NAA11: variants seen among roughly 807,000 people sequenced by gnomAD.
The protein encoded by NAA11 is N-alpha-acetyltransferase 11, NatA catalytic subunit.
A neutral mutation model predicts 16.1 loss-of-function variants in NAA11; 15 were observed. The observed-to-expected ratio is 0.93, with a 90% CI of 0.62 to 1.44. The LOEUF (loss-of-function observed/expected upper bound fraction) is 1.44, where lower values mean the gene tolerates loss of function less well. Among genes scored for constraint, NAA11 ranks in the 40% most tolerant of loss-of-function variants. NAA11 has a pLI of 0.00. For missense variants in NAA11, 298 were observed against 291.3 expected (o/e 1.02, Z -0.17); for synonymous variants, 122 against 112.4 (o/e 1.09, Z -0.54).
At chr4:79,239,324 C>T (rs536970259) in intron 2 of NAA11, among the ~76,000 whole-genome samples, 17 of 152,234 alleles carry the variant, frequency 1.1e-4, no homozygotes, top group South Asian at 4.2e-4. Context: ...AATTTATGTG[C>T]AGTTGTTAAT....
intron 2 of NAA11, among the ~76,000 whole-genome samples, chr4:79,262,144 T>C (rs1659989361): frequency 6.6e-6 from 1 of 152,210 alleles, no homozygotes; most frequent in Admixed American, 6.5e-5. Context: ...GTGCCTAAAA[T>C]TGTATAATCA....
chr4:79,240,811 T>C (rs1366368874), intron 2 of NAA11, among the ~76,000 whole-genome samples: 2 of 152,192 alleles, frequency 1.3e-5, no homozygotes, highest in African/African-American at 4.8e-5. Flanking sequence ...TGAAATATGG[T>C]AGATTCTCTG....
At position 79,325,178 on chromosome 4, in the gene NAA11, T is replaced by TA. The variant is rs750772315; in HGVS notation, c.*9dup. Reference sequence around the variant, plus strand: ...CTGGGTCAGGGAAGACAGAATACCTTAAGCATGCTCTAGGAGGTGGAATCC... The same window carrying TA: ...CTGGGTCAGGGAAGACAGAATACCTTAAAGCATGCTCTAGGAGGTGGAATCC... On this transcript the variant is annotated 3_prime_UTR_variant, in exon 1 of 2. Coordinates refer to ENST00000286794, the MANE Select transcript of NAA11 (RefSeq NM_032693.3). 1 of 1,594,486 alleles carries TA rather than the reference T, an allele frequency of 6.3e-7. No homozygotes were observed. Among genetic ancestry groups the TA allele is most frequent in the Non-Finnish European group, 8.6e-7 (1 of 1,169,528 alleles).
chr4:79,242,068 G>T (rs1368637398), intron 2 of NAA11, among the ~76,000 whole-genome samples: 1 of 152,174 alleles, frequency 6.6e-6, no homozygotes, highest in Non-Finnish European at 1.5e-5. Context: ...CCTCATGCTT[G>T]TTTGCCAGTG....
At chr4:79,302,489 T>C (rs1578187620) in intron 1 of NAA11, among the ~76,000 whole-genome samples, 1 of 152,324 alleles carries the variant, frequency 6.6e-6, no homozygotes, top group South Asian at 2.1e-4. Context: ...TTTTAAATAG[T>C]TTTCTACAAA....
At chr4:79,256,314 A>G (rs1391921278) in intron 2 of NAA11, among the ~76,000 whole-genome samples, 3 of 152,050 alleles carry the variant, frequency 2.0e-5, no homozygotes, top group Non-Finnish European at 2.9e-5. Context: ...CTGTATGAAA[A>G]AAGTGAATTG....
chr4:79,237,007 TA>T (rs964079208), intron 2 of NAA11, among the ~76,000 whole-genome samples: 4 of 152,312 alleles, frequency 2.6e-5, no homozygotes, highest in Admixed American at 2.6e-4. Context: ...TTCTTCAGTG[TA>T]AAATACCATC....
the NAA11 span, among the ~76,000 whole-genome samples, chr4:79,160,490 G>A: frequency 6.6e-6 from 1 of 152,272 alleles, no homozygotes; most frequent in Non-Finnish European, 1.5e-5. Flanking sequence ...AGTGCATGGG[G>A]TACTAATTTC....
At chr4:79,231,979 T>A (rs900507204) in intron 2 of NAA11, among the ~76,000 whole-genome samples, 1 of 151,812 alleles carries the variant, frequency 6.6e-6, no homozygotes, top group African/African-American at 2.4e-5. Flanking sequence ...CATGAATATT[T>A]AGTGACATTA....
At chr4:79,279,918 C>A (rs1722745672) in intron 2 of NAA11, among the ~76,000 whole-genome samples, 1 of 151,910 alleles carries the variant, frequency 6.6e-6, no homozygotes, top group Non-Finnish European at 1.5e-5. Context: ...AAGAACAGAG[C>A]AGAAATAAAA....
chr4:79,211,040 CT>C, the NAA11 span, among the ~76,000 whole-genome samples: 1 of 151,862 alleles, frequency 6.6e-6, no homozygotes, highest in East Asian at 1.9e-4. Context: ...CTATACAGTG[CT>C]TTTTTTTGCC....
At position 79,272,988 on chromosome 4, in the gene NAA11, G is replaced by A. The variant is rs987206868; in HGVS notation, c.*122+21017C>T. Among the ~76,000 whole-genome samples the A allele has an allele frequency of 1.9e-4, 29 of 151,902 alleles. No individual in the cohort carries two copies. In the East Asian group the frequency reaches 1.9e-3, roughly 10 times the overall value. ...TTCCTGACAGCCTGGAGGCCTCAGG[G>A]TAGTAAGGGCTCTTACATGGCATTT... On this transcript the variant is annotated intron_variant and NMD_transcript_variant, in intron 2 of 2. Coordinates refer to the NAA11 transcript ENST00000511542.
the NAA11 span, among the ~76,000 whole-genome samples, chr4:79,193,590 TC>T: frequency 6.6e-6 from 1 of 152,174 alleles, no homozygotes; most frequent in Non-Finnish European, 1.5e-5. Flanking sequence ...TCTATATCTC[TC>T]TTTTGGTACC....
downstream of NAA11, among the ~76,000 whole-genome samples, chr4:79,314,780 A>AT (rs1723879375): frequency 1.3e-5 from 2 of 152,068 alleles, no homozygotes; most frequent in Non-Finnish European, 2.9e-5. Flanking sequence ...ATTAGAAGTG[A>AT]AACTTTTAAA....
rs1457822108 is a variant in NAA11, at chr4:79,303,071, GCCTT to G, written c.*13-8961_*13-8958del. On this transcript the variant is annotated intron_variant and NMD_transcript_variant, in intron 1 of 2. Coordinates refer to the NAA11 transcript ENST00000511542. ...CCCTTTTCATTCCTGTTCTCTTGAG[GCCTT>G]TTATATATATATATATATATATATA... Among the ~76,000 whole-genome samples, 240 of 86,566 alleles carry G rather than the reference GCCTT, an allele frequency of 2.8e-3. 3 individuals are homozygous for G. Among genetic ancestry groups the G allele is most frequent in the African/African-American group, 0.011 (231 of 20,772 alleles). The allele number at this position is 86,566 out of a possible 152,430, so 56.8% of individuals were successfully genotyped here.
chr4:79,239,712 T>C (rs548144506), intron 2 of NAA11, among the ~76,000 whole-genome samples: 2 of 151,618 alleles, frequency 1.3e-5, no homozygotes, highest in East Asian at 3.9e-4. Flanking sequence ...AAAAAAAAAA[T>C]GTTTGTGAAT....
intron 2 of NAA11, among the ~76,000 whole-genome samples, chr4:79,237,070 T>C (rs1249879017): frequency 1.3e-5 from 2 of 152,182 alleles, no homozygotes; most frequent in East Asian, 1.9e-4. Flanking sequence ...CAACATTCTT[T>C]CTGAAAGGAA....
chr4:79,187,101 T>C, the NAA11 span, among the ~76,000 whole-genome samples: 1 of 152,256 alleles, frequency 6.6e-6, no homozygotes, highest in East Asian at 1.9e-4. Context: ...TTTTCTTTTT[T>C]ACATTTGGTT....
chr4:79,297,861 A>C (rs896616553), intron 1 of NAA11, among the ~76,000 whole-genome samples: 1 of 152,106 alleles, frequency 6.6e-6, no homozygotes, highest in Non-Finnish European at 1.5e-5. Flanking sequence ...CCTTCAGGCT[A>C]GGGAGGGCCT....
Sources: allele counts gnomAD v4.1 joint callset (sites outside exome capture counted in the v4.1 genomes callset), GRCh38; gene constraint gnomAD v4.1.1; transcripts MANE v1.5; gene names NCBI Gene and HGNC (gene_info 2026-07-23, HGNC 2026-07-21).